KLHL2: variants seen among roughly 807,000 people sequenced by gnomAD.
The protein encoded by KLHL2 is kelch-like protein 2.
KLHL2 carries 15 observed loss-of-function variants against 75.8 expected under a neutral mutation model. The ratio of observed to expected loss-of-function variants is 0.20; its 90% confidence interval spans 0.13 to 0.30. The LOEUF is 0.30. Ranked by LOEUF, KLHL2 falls within the 10% of genes least tolerant of loss-of-function variation. KLHL2 has a pLI of 1.00. For missense variants in KLHL2, 381 were observed against 741.0 expected, an observed-to-expected ratio of 0.51 and a Z score of 5.64; for synonymous variants, 214 against 251.9, an observed-to-expected ratio of 0.85 and a Z score of 1.42.
At chr4:165,242,524 G>T (rs1739893036) in intron 4 of KLHL2, among the ~76,000 whole-genome samples, 1 of 152,210 alleles carries the variant, frequency 6.6e-6, no homozygotes, top group African/African-American at 2.4e-5. Flanking sequence ...TTGAGACAGA[G>T]TCTTGCTCTG....
At chr4:165,216,038 A>G (rs1446603945) in intron 1 of KLHL2, among the ~76,000 whole-genome samples, 1 of 152,178 alleles carries the variant, frequency 6.6e-6, no homozygotes, top group Non-Finnish European at 1.5e-5. Flanking sequence ...CAAAGCCAAT[A>G]ATAAATATCT....
intron 4 of KLHL2, among the ~76,000 whole-genome samples, chr4:165,258,415 G>T (rs77060253): frequency 2.0e-4 from 28 of 141,454 alleles, no homozygotes; most frequent in African/African-American, 6.4e-4. Context: ...AAAAAAAAAG[G>T]ATCATAGAGT....
intron 1 of KLHL2, among the ~76,000 whole-genome samples, chr4:165,218,539 G>A (rs1362416603): frequency 6.6e-6 from 1 of 151,810 alleles, no homozygotes; most frequent in Non-Finnish European, 1.5e-5. Flanking sequence ...CTCTCTTCAC[G>A]CTGCCCTGCT....
chr4:165,278,780 G>A, intron 5 of KLHL2: 2 of 1,544,302 alleles, frequency 1.3e-6, no homozygotes, highest in Non-Finnish European at 9.0e-7. Context: ...CTTATGGCCT[G>A]TATTACATAG....
intron 1 of KLHL2, among the ~76,000 whole-genome samples, chr4:165,213,081 C>A (rs1374407310): frequency 7.9e-5 from 12 of 152,214 alleles, no homozygotes; most frequent in African/African-American, 2.9e-4. Flanking sequence ...CCCTGATAAC[C>A]AAAGCATTGG....
At chr4:165,219,707 C>T (rs925231073) in intron 1 of KLHL2, 2 of 1,282,582 alleles carry the variant, frequency 1.6e-6, no homozygotes, top group African/African-American at 3.0e-5. Flanking sequence ...TTTGACGGAA[C>T]TTGGACACCA....
In KLHL2 at chr4:165,290,617, G is replaced by A. The variant is rs186276636; in HGVS notation, c.545-3742G>A. Among the ~76,000 whole-genome samples the A allele has an allele frequency of 3.3e-3, 499 of 152,058 alleles. 2 individuals carry two copies. Among genetic ancestry groups the A allele is most frequent in the African/African-American group, 0.012 (484 of 41,488 alleles). ...ACTTCTGGTAAAGTCAGGAATTAGCGGGATTATATTTTAGATATAGAAGGT... is the reference window on the plus strand; with the variant it reads ...ACTTCTGGTAAAGTCAGGAATTAGCAGGATTATATTTTAGATATAGAAGGT... On this transcript the variant is annotated intron_variant, in intron 5 of 14. Coordinates refer to ENST00000226725, the MANE Select transcript of KLHL2 (RefSeq NM_007246.4).
At chr4:165,221,251 A>C (rs1317168255) in intron 2 of KLHL2, among the ~76,000 whole-genome samples, 1 of 152,266 alleles carries the variant, frequency 6.6e-6, no homozygotes. Flanking sequence ...AAAATAATTT[A>C]CTGTAATGAT....
rs759477281 is a variant in KLHL2 at position 165,297,580 on chromosome 4, A to AT, written c.655-23dup. ...TGCCTTGATACACAACTCATTTCTT[A>AT]TTTTTTCTTCTCCTATATTTTCTGC... On this transcript the variant is annotated intron_variant, in intron 6 of 14. Transcript: ENST00000226725. The AT allele has an allele frequency of 3.0e-6, 4 of 1,334,668 alleles. No homozygotes were observed. The South Asian group carries it at 4.7e-5, about 16-fold the overall frequency. The allele number at this position is 1,334,668 out of a possible 1,614,324, so 82.7% of individuals were successfully genotyped here. A position where few individuals can be genotyped will look rare whatever the true frequency, so the allele number is the denominator to read the frequency against.
intron 10 of KLHL2, 29 bp from the exon 11 acceptor site, chr4:165,311,435 G>A (rs747609805): frequency 1.6e-5 from 24 of 1,482,830 alleles, no homozygotes; most frequent in Non-Finnish European, 2.2e-5. Context: ...TTTAGAGAAG[G>A]AAATGAAGAC....
At chr4:165,228,992 T>C (rs1738671077) in intron 3 of KLHL2, 79 bp downstream of exon 3, 4 of 769,108 alleles carry the variant, frequency 5.2e-6, no homozygotes, top group South Asian at 3.6e-5. Flanking sequence ...TCTTTTGTTA[T>C]TGACATTTTA....
At chr4:165,282,039 T>C (rs1466454845) in intron 5 of KLHL2, among the ~76,000 whole-genome samples, 2 of 152,128 alleles carry the variant, frequency 1.3e-5, no homozygotes, top group African/African-American at 4.8e-5. Flanking sequence ...GACCTGTCAG[T>C]ATGTGGGTGA....
At chr4:165,279,875 G>A (rs1339053086) in intron 5 of KLHL2, among the ~76,000 whole-genome samples, 1 of 152,132 alleles carries the variant, frequency 6.6e-6, no homozygotes, top group Non-Finnish European at 1.5e-5. Context: ...CTTTCCCTGC[G>A]TATTTTGTTT....
chr4:165,282,560 A>G (rs28525405), intron 5 of KLHL2, among the ~76,000 whole-genome samples: 9,801 of 152,172 alleles, frequency 0.064, 741 homozygotes, highest in African/African-American at 0.18. Context: ...AGACTGATGC[A>G]CTAGAGCCCT....
chr4:165,285,274 A>G (rs1744000586), intron 5 of KLHL2, among the ~76,000 whole-genome samples: 1 of 152,238 alleles, frequency 6.6e-6, no homozygotes, highest in African/African-American at 2.4e-5. Context: ...ATTACTGAGA[A>G]AGAATTAACA....
intron 8 of KLHL2, among the ~76,000 whole-genome samples, chr4:165,301,901 G>T (rs1024476306): frequency 6.6e-6 from 1 of 151,666 alleles, no homozygotes; most frequent in Non-Finnish European, 1.5e-5. Context: ...GAATAAACAT[G>T]TCATTTTTGA....
chr4:165,282,973 A>G (rs1328939329), intron 5 of KLHL2, among the ~76,000 whole-genome samples: 2 of 151,970 alleles, frequency 1.3e-5, no homozygotes, highest in Non-Finnish European at 2.9e-5. Context: ...GTCATATCTT[A>G]TGTGGATGGC....
At chr4:165,301,812 C>T (rs888376325) in intron 8 of KLHL2, among the ~76,000 whole-genome samples, 1 of 152,166 alleles carries the variant, frequency 6.6e-6, no homozygotes, top group African/African-American at 2.4e-5. Flanking sequence ...ATTCCTTCCT[C>T]TAGCATCTTC....
intron 4 of KLHL2, among the ~76,000 whole-genome samples, chr4:165,259,330 T>G (rs1156629587): frequency 1.3e-5 from 2 of 152,236 alleles, no homozygotes; most frequent in Non-Finnish European, 2.9e-5. Flanking sequence ...CTTGAACTCC[T>G]ACTCCTGACC....
Sources: gnomAD v4.1 joint callset for allele counts (sites outside exome capture counted in the v4.1 genomes callset) on GRCh38, gnomAD v4.1.1 for gene constraint, MANE v1.5 for transcripts, NCBI Gene and HGNC (gene_info 2026-07-23, HGNC 2026-07-21) for gene names.